ADAMTS9: variants seen among roughly 807,000 people sequenced by gnomAD.
The protein encoded by ADAMTS9 is ADAM metallopeptidase with thrombospondin type 1 motif 9, also known as A disintegrin and metalloproteinase with thrombospondin motifs 9.
ADAMTS9 carries 107 observed loss-of-function variants against 257.1 expected under a neutral mutation model. The observed-to-expected ratio is 0.42, with a 90% CI of 0.36 to 0.49. ADAMTS9 has a LOEUF of 0.49. ADAMTS9 is among the 20% of genes least tolerant of loss of function. The pLI is 0.03. For synonymous variants in ADAMTS9, 982 were observed against 880.9 expected, an observed-to-expected ratio of 1.11 and a Z score of -2.03; for missense variants, 2,353 against 2,469.1, an observed-to-expected ratio of 0.95 and a Z score of 1.00.
intron 16 of ADAMTS9, among the ~76,000 whole-genome samples, chr3:64,626,738 A>G (rs1700231286): frequency 6.6e-6 from 1 of 152,176 alleles, no homozygotes; most frequent in Non-Finnish European, 1.5e-5. Context: ...AAAGATCCCA[A>G]CCCATAGTAG....
In ADAMTS9 at chr3:64,604,281, C is replaced by T; in HGVS notation, c.3525G>A (p.Arg1175=). The change falls in exon 24 of 40, where the codon AGG becomes AGA. Residue 1175 remains arginine (R), a synonymous_variant. Coordinates refer to ENST00000498707, the MANE Select transcript of ADAMTS9 (RefSeq NM_182920.2). ...CHPPPAAPET[R]RSTYSAPRTQ... ...TTCTTGGTGCACTGTATGTGCTTCT[C>T]CTCGTTTCCGGGGCAGCTGGGGGAG... 1.2e-6 allele frequency: 2 copies of T among 1,613,462 alleles called. No individual in the cohort carries two copies. Among genetic ancestry groups the T allele is most frequent in the Non-Finnish European group, 1.7e-6 (2 of 1,179,724 alleles).
intron 14 of ADAMTS9, among the ~76,000 whole-genome samples, chr3:64,632,161 C>A (rs1272629336): frequency 6.6e-6 from 1 of 152,078 alleles, no homozygotes; most frequent in Non-Finnish European, 1.5e-5. Flanking sequence ...CAGGACCCAC[C>A]CAGATCTACT....
chr3:64,530,284 G>A lies in ADAMTS9; in HGVS notation c.5718+2882C>T, dbSNP rs1039410371. Among the ~76,000 whole-genome samples the A allele has an allele frequency of 2.2e-5, 3 of 136,204 alleles. No individual in the cohort carries two copies. The South Asian group carries it at 6.8e-4, about 31-fold the overall frequency. The allele number at this position is 136,204 out of a possible 152,430, so 89.4% of individuals were successfully genotyped here. A position where few individuals can be genotyped will look rare whatever the true frequency, so the allele number is the denominator to read the frequency against. ...ATGCTTACTGTGACTCTTCAGGAAG[G>A]AAATACAATATACTAGCATTTTCTC... On this transcript the variant is annotated intron_variant, in intron 38 of 39. Coordinates refer to ENST00000498707, the MANE Select transcript of ADAMTS9 (RefSeq NM_182920.2).
intron 26 of ADAMTS9, among the ~76,000 whole-genome samples, chr3:64,601,055 A>T (rs191408316): frequency 6.6e-6 from 1 of 152,240 alleles, no homozygotes; most frequent in East Asian, 1.9e-4. Context: ...ATTGCACAGC[A>T]TATTTTTTTT....
chr3:64,558,926 G>T (rs973481839), intron 30 of ADAMTS9, among the ~76,000 whole-genome samples: 1 of 152,142 alleles, frequency 6.6e-6, no homozygotes, highest in Non-Finnish European at 1.5e-5. Context: ...GAGAAAAGTG[G>T]AAACGTGTGC....
chr3:64,626,078 T>C (rs966088376), intron 16 of ADAMTS9, among the ~76,000 whole-genome samples: 2 of 152,210 alleles, frequency 1.3e-5, no homozygotes, highest in Non-Finnish European at 2.9e-5. Flanking sequence ...AGCCTCAGTT[T>C]CTTCCTCTGT....
At chr3:64,592,020 A>G (rs2084271560) in intron 28 of ADAMTS9, among the ~76,000 whole-genome samples, 1 of 152,212 alleles carries the variant, frequency 6.6e-6, no homozygotes, top group Non-Finnish European at 1.5e-5. Context: ...AATTACTAAG[A>G]TATTATACCA....
At chr3:64,660,925 C>T (rs140635796) in intron 3 of ADAMTS9, among the ~76,000 whole-genome samples, 8 of 152,250 alleles carry the variant, frequency 5.3e-5, no homozygotes, top group African/African-American at 1.4e-4. Flanking sequence ...GTTTTGCTTT[C>T]GCACCTCAAA....
Position 64,541,395 on chromosome 3 carries a change from T to C in ADAMTS9, c.5312A>G (p.His1771Arg). The change falls in exon 35 of 40, where the codon CAC (histidine) becomes CGC (arginine). Residue 1771 changes from histidine to arginine, a missense_variant. His to Arg is a conservative substitution (Grantham distance 29). Transcript: ENST00000498707. Reference protein sequence around the residue: ...KLLKIFCAGMHSDHPKEYVTL... With the variant: ...KLLKIFCAGMRSDHPKEYVTL... The stretch of plus-strand genomic sequence containing the variant: ...CACGTACTCTTTGGGGTGGTCAGAG[T>C]GCATCCCCGCACAGAATATCTGAAA... 6.2e-7 allele frequency: 1 copy of C among 1,614,030 alleles called. No homozygotes were observed. Among genetic ancestry groups the C allele is most frequent in the South Asian group, 1.1e-5 (1 of 91,080 alleles).
chr3:64,581,732 A>G (rs907478538), intron 28 of ADAMTS9, among the ~76,000 whole-genome samples: 1 of 152,212 alleles, frequency 6.6e-6, no homozygotes, highest in Non-Finnish European at 1.5e-5. Flanking sequence ...GACAGCATCC[A>G]CTTCCCTTAT....
chr3:64,559,400 G>A (rs545733766), intron 30 of ADAMTS9, among the ~76,000 whole-genome samples: 5 of 152,200 alleles, frequency 3.3e-5, no homozygotes, highest in South Asian at 4.2e-4. Context: ...ATGATATTCC[G>A]TCCACTTTCA....
In ADAMTS9 at chr3:64,633,462, A is replaced by G; in HGVS notation, c.2175+10T>C. 2 of 1,613,856 alleles carry G rather than the reference A, an allele frequency of 1.2e-6. No individual in the cohort carries two copies. Among genetic ancestry groups the G allele is most frequent in the Non-Finnish European group, 1.7e-6 (2 of 1,179,910 alleles). ...AAAACACAGTGAAGAAAACACCATCAAGGACTTACCCGGCAAAGGCCCTGG... is the reference window on the plus strand; with the variant it reads ...AAAACACAGTGAAGAAAACACCATCGAGGACTTACCCGGCAAAGGCCCTGG... On this transcript the variant is annotated intron_variant, in intron 14 of 39. Transcript: ENST00000498707.
chr3:64,556,734 C>CTTCCTTCT (rs1294269951), intron 30 of ADAMTS9, among the ~76,000 whole-genome samples: 1 of 150,284 alleles, frequency 6.7e-6, no homozygotes, highest in Non-Finnish European at 1.5e-5. Flanking sequence ...TCCTTCCTTC[C>CTTCCTTCT]TTCCTTCCTT....
At chr3:64,580,843 C>A (rs553641430) in intron 28 of ADAMTS9, among the ~76,000 whole-genome samples, 3 of 152,266 alleles carry the variant, frequency 2.0e-5, no homozygotes, top group South Asian at 2.1e-4. Context: ...GAGGGCTGAA[C>A]TGGTTTCTAT....
At chr3:64,631,731 T>C in intron 15 of ADAMTS9, 77 bp downstream of exon 15, 6 of 1,344,504 alleles carry the variant, frequency 4.5e-6, no homozygotes, top group Middle Eastern at 1.8e-4. Flanking sequence ...ATTAATATTT[T>C]TGCATATTAC....
intron 28 of ADAMTS9, among the ~76,000 whole-genome samples, chr3:64,577,662 T>TCAGTCTGCTAGGAGATGA (rs1443570571): frequency 2.6e-5 from 4 of 152,260 alleles, no homozygotes; most frequent in African/African-American, 9.6e-5. Context: ...CCTGGAGATG[T>TCAGTCTGCTAGGAGATGA]CAGTCTGCTA....
At chr3:64,549,058 A>G (rs924047292) in intron 31 of ADAMTS9, among the ~76,000 whole-genome samples, 2 of 152,198 alleles carry the variant, frequency 1.3e-5, no homozygotes, top group African/African-American at 4.8e-5. Context: ...GAGGTCCCAG[A>G]GAGAAGGCAT....
At chr3:64,521,456 AAAAT>A (rs2082850388) in intron 39 of ADAMTS9, 1 of 152,220 alleles carries the variant, frequency 6.6e-6, no homozygotes, top group African/African-American at 2.4e-5. Context: ...TATCAAAAAG[AAAAT>A]AAATCATTCA....
chr3:64,671,515 CAAAAAAT>C (rs1376425879), intron 3 of ADAMTS9, among the ~76,000 whole-genome samples: 8 of 151,864 alleles, frequency 5.3e-5, no homozygotes, highest in Admixed American at 5.2e-4. Context: ...AAAGATTTTT[CAAAAAAT>C]AAAAAATAAT....
Sources: gnomAD v4.1 joint callset for allele counts (sites outside exome capture counted in the v4.1 genomes callset) on GRCh38, gnomAD v4.1.1 for gene constraint, MANE v1.5 for transcripts, NCBI Gene and HGNC (gene_info 2026-07-23, HGNC 2026-07-21) for gene names.